The following NREP variants were observed in gnomAD, a reference collection of about 807,000 sequenced individuals.
The protein encoded by NREP is neuronal regeneration related protein.
Under a neutral mutation model 8.6 loss-of-function variants are expected in NREP, and 5 were observed. The observed-to-expected ratio is 0.58, with a 90% CI of 0.30 to 1.22. The LOEUF is 1.22. Among genes scored for constraint, NREP ranks in the 50% most tolerant of loss-of-function variants. NREP has a pLI of 0.07. For synonymous variants in NREP, 27 were observed against 28.0 expected (o/e 0.96, Z 0.11); for missense variants, 86 against 82.5 (o/e 1.04, Z -0.17).
chr5:111,787,781 T>G (rs572369527), intron 2 of NREP, among the ~76,000 whole-genome samples: 215 of 152,308 alleles, frequency 1.4e-3, no homozygotes, highest in African/African-American at 5.0e-3. Context: ...TGGTAAAGCT[T>G]AATTTCTTAT....
At chr5:111,838,161 A>T (rs1752940813) in intron 2 of NREP, among the ~76,000 whole-genome samples, 1 of 152,170 alleles carries the variant, frequency 6.6e-6, no homozygotes, top group Non-Finnish European at 1.5e-5. Flanking sequence ...ATATATCTAA[A>T]AGACTATTTC....
At chr5:111,844,463 G>T (rs1482259132) in intron 2 of NREP, among the ~76,000 whole-genome samples, 1 of 150,910 alleles carries the variant, frequency 6.6e-6, no homozygotes, top group African/African-American at 2.4e-5. Flanking sequence ...GCATTATTTT[G>T]CTCATCATTG....
intron 2 of NREP, among the ~76,000 whole-genome samples, chr5:111,823,325 T>C (rs1581142812): frequency 6.6e-6 from 1 of 152,266 alleles, no homozygotes; most frequent in East Asian, 1.9e-4. Context: ...CAACATGAAA[T>C]TTTGATGGGT....
intron 2 of NREP, among the ~76,000 whole-genome samples, chr5:111,792,396 A>T (rs2112894547): frequency 6.6e-6 from 1 of 152,348 alleles, no homozygotes; most frequent in Admixed American, 6.5e-5. Context: ...TAATAAAATG[A>T]TTGGAAGAGG....
chr5:111,940,758 C>A (rs1264672558), intron 2 of NREP, among the ~76,000 whole-genome samples: 1 of 152,042 alleles, frequency 6.6e-6, no homozygotes, highest in East Asian at 1.9e-4. Context: ...ACTCTCACTT[C>A]TGGTACTCAC....
At chr5:111,955,489 CAAAAAACAAAAAAAAAAAA>C (rs1756289118) in intron 2 of NREP, among the ~76,000 whole-genome samples, 1 of 119,814 alleles carries the variant, frequency 8.3e-6, no homozygotes, top group Admixed American at 8.2e-5. Context: ...AAACAAAAAA[CAAAAAACAAAAAAAAAAAA>C]CACATTCGGT....
chr5:111,803,892 T>C (rs906244218), intron 2 of NREP, among the ~76,000 whole-genome samples: 4 of 152,198 alleles, frequency 2.6e-5, no homozygotes, highest in African/African-American at 7.2e-5. Context: ...CTTGAAAATA[T>C]AGAAAGATAT....
intron 2 of NREP, among the ~76,000 whole-genome samples, chr5:111,794,293 T>C (rs1387047080): frequency 2.0e-5 from 3 of 152,220 alleles, no homozygotes; most frequent in African/African-American, 7.2e-5. Context: ...ACTTTTGCTA[T>C]ACAGTCCAGC....
At chr5:111,902,993 C>T (rs1754682716) in intron 2 of NREP, among the ~76,000 whole-genome samples, 1 of 151,866 alleles carries the variant, frequency 6.6e-6, no homozygotes, top group African/African-American at 2.4e-5. Context: ...TTATTGCTTA[C>T]AAAAGTGTCC....
At chr5:111,800,077 G>A (rs988934638) in intron 2 of NREP, among the ~76,000 whole-genome samples, 5 of 140,410 alleles carry the variant, frequency 3.6e-5, no homozygotes, top group Admixed American at 2.9e-4. Context: ...CCACCACCAC[G>A]CCAACTACTT....
At chr5:111,922,886 T>A (rs1755284855) in intron 2 of NREP, among the ~76,000 whole-genome samples, 1 of 152,164 alleles carries the variant, frequency 6.6e-6, no homozygotes, top group South Asian at 2.1e-4. Flanking sequence ...TAGAGGGGCT[T>A]CAAGGGTGTT....
chr5:111,841,181 C>T (rs966071609), intron 2 of NREP, among the ~76,000 whole-genome samples: 6 of 152,150 alleles, frequency 3.9e-5, no homozygotes, highest in Non-Finnish European at 7.4e-5. Context: ...GAGCACAATT[C>T]TGCTCAGACT....
At chr5:111,829,110 C>T (rs1336924198) in intron 2 of NREP, among the ~76,000 whole-genome samples, 1 of 150,348 alleles carries the variant, frequency 6.7e-6, no homozygotes, top group Admixed American at 6.6e-5. Context: ...AAAAAAAAAA[C>T]AAAAACATAT....
intron 2 of NREP, among the ~76,000 whole-genome samples, chr5:111,753,550 T>G (rs1750512825): frequency 6.6e-6 from 1 of 151,996 alleles, no homozygotes; most frequent in Admixed American, 6.6e-5. Flanking sequence ...TTTCTTACAC[T>G]AAAATGAGCT....
upstream of NREP, chr5:111,758,145 A>G (rs1750855995): frequency 3.0e-6 from 3 of 985,348 alleles, no homozygotes; most frequent in Non-Finnish European, 3.6e-6. Flanking sequence ...CGCGCGCCCC[A>G]CTCCCTTCCG....
At chr5:111,949,938 TA>T (rs1756106291) in intron 2 of NREP, among the ~76,000 whole-genome samples, 1 of 152,102 alleles carries the variant, frequency 6.6e-6, no homozygotes, top group Non-Finnish European at 1.5e-5. Flanking sequence ...CGTTTGGGTG[TA>T]TACCCAGTAA....
At chr5:111,798,724 A>G (rs1242099222) in intron 2 of NREP, among the ~76,000 whole-genome samples, 3 of 148,258 alleles carry the variant, frequency 2.0e-5, no homozygotes, top group African/African-American at 7.5e-5. Context: ...ATGGCTGAGT[A>G]GTATTCCATG....
intron 2 of NREP, among the ~76,000 whole-genome samples, chr5:111,808,609 C>T (rs895382580): frequency 1.3e-5 from 2 of 152,128 alleles, no homozygotes; most frequent in African/African-American, 4.8e-5. Flanking sequence ...GAGCCTCTTA[C>T]CCTTTTCCCC....
chr5:111,886,582 A>G (rs1046925417), intron 2 of NREP, among the ~76,000 whole-genome samples: 1 of 151,346 alleles, frequency 6.6e-6, no homozygotes, highest in Non-Finnish European at 1.5e-5. Context: ...CAAATGTCCA[A>G]CAATGATAGA....
Sources: gnomAD v4.1 joint callset for allele counts (sites outside exome capture counted in the v4.1 genomes callset) on GRCh38, gnomAD v4.1.1 for gene constraint, MANE v1.5 for transcripts, NCBI Gene and HGNC (gene_info 2026-07-23, HGNC 2026-07-21) for gene names.